Variants in GPHN observed in about 807,000 individuals in gnomAD.
GPHN encodes gephyrin.
In GPHN, 17 loss-of-function variants were observed where a neutral mutation model predicts 95.5. The observed-to-expected ratio is 0.18, with a 90% CI of 0.12 to 0.27. The LOEUF (loss-of-function observed/expected upper bound fraction) is 0.27, where lower values mean the gene tolerates loss of function less well. GPHN is among the 10% of genes least tolerant of loss of function. The pLI, the probability that GPHN is intolerant of heterozygous loss-of-function variation, is 1.00. For synonymous variants in GPHN, 320 were observed against 322.5 expected (o/e 0.99, Z 0.08); for missense variants, 660 against 978.1 (o/e 0.67, Z 4.34).
intron 11 of GPHN, among the ~76,000 whole-genome samples, chr14:67,079,506 A>G (rs2076611721): frequency 6.6e-6 from 1 of 152,120 alleles, no homozygotes; most frequent in Non-Finnish European, 1.5e-5. Context: ...TCATATAAGT[A>G]GGATCATATA....
At chr14:66,711,811 A>G (rs1465312768) in intron 2 of GPHN, among the ~76,000 whole-genome samples, 3 of 151,586 alleles carry the variant, frequency 2.0e-5, no homozygotes, top group South Asian at 2.1e-4. Context: ...TCGTTGTTCA[A>G]TTCCCACCTA....
chr14:67,600,417 G>C, the GPHN span: 3 of 518,330 alleles, frequency 5.8e-6, no homozygotes, highest in East Asian at 3.4e-5. Flanking sequence ...AAACCTCGTC[G>C]GGGCAATAGT....
chr14:66,949,993 GAAAAAAAAAAA>G (rs71129809), intron 8 of GPHN, among the ~76,000 whole-genome samples: 873 of 57,846 alleles, frequency 0.015, 10 homozygotes, highest in Middle Eastern at 0.045. Flanking sequence ...TTTAGGACAG[GAAAAAAAAAAA>G]AAAAAAAAAA....
chr14:66,972,339 AT>A (rs1431779548), intron 9 of GPHN, among the ~76,000 whole-genome samples: 1 of 151,888 alleles, frequency 6.6e-6, no homozygotes, highest in Non-Finnish European at 1.5e-5. Context: ...AAAGCAACAA[AT>A]AGTTTTTTCT....
At chr14:67,391,654 A>C in the GPHN span, among the ~76,000 whole-genome samples, 3 of 152,190 alleles carry the variant, frequency 2.0e-5, no homozygotes, top group African/African-American at 7.2e-5. Flanking sequence ...ATGTGCACAA[A>C]CACGAAGGCT....
chr14:67,164,347 AATGTCTTGATAAGAGGGAAGTGTTT>A (rs2082150149), intron 19 of GPHN, among the ~76,000 whole-genome samples: 1 of 151,926 alleles, frequency 6.6e-6, no homozygotes, highest in Admixed American at 6.6e-5. Context: ...TTTCAAAAAT[AATGTCTTGATAAGAGGGAAGTGTTT>A]ATGTCTATGC....
the GPHN span, among the ~76,000 whole-genome samples, chr14:67,258,420 C>T: frequency 6.6e-6 from 1 of 152,130 alleles, no homozygotes; most frequent in African/African-American, 2.4e-5. Flanking sequence ...CCTGTAGTCC[C>T]AGCTACTTGG....
the GPHN span, among the ~76,000 whole-genome samples, chr14:67,672,515 G>A: frequency 2.3e-4 from 32 of 142,180 alleles, no homozygotes; most frequent in South Asian, 2.2e-4. Flanking sequence ...GCATGATCTC[G>A]GCTCACTGCA....
chr14:66,952,738 A>G (rs1016588150), intron 8 of GPHN, among the ~76,000 whole-genome samples: 11 of 152,098 alleles, frequency 7.2e-5, no homozygotes, highest in African/African-American at 2.7e-4. Flanking sequence ...ACTATCGCCC[A>G]GGCTGGTGTG....
chr14:67,326,472 T>G, the GPHN span, among the ~76,000 whole-genome samples: 1 of 152,148 alleles, frequency 6.6e-6, no homozygotes, highest in Non-Finnish European at 1.5e-5. Context: ...CTGATTCTTT[T>G]ACTTTGCTGA....
At chr14:66,714,432 T>C (rs1036123223) in intron 2 of GPHN, among the ~76,000 whole-genome samples, 1 of 152,202 alleles carries the variant, frequency 6.6e-6, no homozygotes, top group Admixed American at 6.5e-5. Flanking sequence ...AACGATCATA[T>C]CATCAGCAAA....
At chr14:66,508,698 TGAA>T in intron 1 of GPHN, 107 bp downstream of exon 1, 1 of 1,007,792 alleles carries the variant, frequency 9.9e-7, no homozygotes, top group Non-Finnish European at 1.6e-6. Flanking sequence ...GAGGGAAGGC[TGAA>T]GAAGGGAACC....
At chr14:66,964,949 C>G (rs773833620) in intron 8 of GPHN, among the ~76,000 whole-genome samples, 1 of 152,128 alleles carries the variant, frequency 6.6e-6, no homozygotes, top group South Asian at 2.1e-4. Flanking sequence ...TTATTCCTAA[C>G]CACAATACTA....
chr14:66,849,885 A>T (rs1437186923), intron 4 of GPHN, among the ~76,000 whole-genome samples: 1 of 152,060 alleles, frequency 6.6e-6, no homozygotes, highest in African/African-American at 2.4e-5. Flanking sequence ...CATTTCTCAA[A>T]CTCCGTTAAC....
At chr14:66,790,056 A>G (rs147689177) in intron 3 of GPHN, among the ~76,000 whole-genome samples, 79 of 152,310 alleles carry the variant, frequency 5.2e-4, no homozygotes, top group African/African-American at 1.6e-3. Context: ...TTTTCCCAAA[A>G]TGGGGTCTGT....
At chr14:67,005,578 T>G (rs2072546044) in intron 9 of GPHN, among the ~76,000 whole-genome samples, 1 of 151,554 alleles carries the variant, frequency 6.6e-6, no homozygotes, top group Non-Finnish European at 1.5e-5. Context: ...GCCTGATTTA[T>G]CATACTGACT....
chr14:67,208,766 G>A, the GPHN span, among the ~76,000 whole-genome samples: 10 of 151,854 alleles, frequency 6.6e-5, no homozygotes, highest in South Asian at 2.1e-4. Flanking sequence ...GCGCGGTGGC[G>A]GGCACCTGTA....
chr14:67,202,704 T>C, the GPHN span, among the ~76,000 whole-genome samples: 1 of 152,198 alleles, frequency 6.6e-6, no homozygotes, highest in Admixed American at 6.5e-5. Flanking sequence ...TCAGTAACAC[T>C]TTAAACTTAT....
At chr14:67,606,969 C>A in the GPHN span, among the ~76,000 whole-genome samples, 1 of 152,116 alleles carries the variant, frequency 6.6e-6, no homozygotes, top group African/African-American at 2.4e-5. Context: ...TTTAAAAAGC[C>A]TGATATATTC....
Sources: allele counts gnomAD v4.1 joint callset (sites outside exome capture counted in the v4.1 genomes callset), GRCh38; gene constraint gnomAD v4.1.1; transcripts MANE v1.5; gene names NCBI Gene and HGNC (gene_info 2026-07-23, HGNC 2026-07-21).